DNAJC24: variants seen among roughly 807,000 people sequenced by gnomAD.
The protein encoded by DNAJC24 is dnaJ homolog subfamily C member 24.
Under a neutral mutation model 18.0 loss-of-function variants are expected in DNAJC24, and 17 were observed. That is an observed-to-expected ratio of 0.94 (90% CI 0.65 to 1.42). The LOEUF is 1.42. Ranked by LOEUF, DNAJC24 falls within the 40% of genes most tolerant of loss-of-function variation. The pLI, the probability that DNAJC24 is intolerant of heterozygous loss-of-function variation, is 0.00. For missense variants in DNAJC24, 158 were observed against 175.6 expected (o/e 0.90, Z 0.57); for synonymous variants, 55 against 57.7 (o/e 0.95, Z 0.21).
chr11:31,390,212 ATGG>A (rs1041652057), intron 2 of DNAJC24, among the ~76,000 whole-genome samples: 16 of 152,100 alleles, frequency 1.1e-4, no homozygotes, highest in Non-Finnish European at 1.6e-4. Context: ...CCTGGCCAAC[ATGG>A]CGGAACCCTG....
chr11:31,415,173 T>C (rs1036508035), intron 3 of DNAJC24: 4 of 422,738 alleles, frequency 9.5e-6, no homozygotes, highest in Admixed American at 4.3e-5. Context: ...TGTGAAGCCT[T>C]GAAAGCTACT....
chr11:31,416,975 G>T (rs909905090), intron 3 of DNAJC24: 1 of 152,130 alleles, frequency 6.6e-6, no homozygotes, highest in Non-Finnish European at 1.5e-5. Context: ...CATAGATGAA[G>T]TCACAATGAA....
chr11:31,379,272 G>C (rs1190808118), intron 2 of DNAJC24, among the ~76,000 whole-genome samples: 2 of 152,160 alleles, frequency 1.3e-5, no homozygotes, highest in African/African-American at 4.8e-5. Flanking sequence ...GTGGCACTGG[G>C]TTCTCATAGG....
chr11:31,389,018 A>C (rs1952460013), intron 2 of DNAJC24, among the ~76,000 whole-genome samples: 1 of 152,198 alleles, frequency 6.6e-6, no homozygotes, highest in African/African-American at 2.4e-5. Context: ...ATGGCTACAC[A>C]AAAAATAAAA....
chr11:31,392,318 G>A (rs1176743581), intron 2 of DNAJC24, among the ~76,000 whole-genome samples: 1 of 152,098 alleles, frequency 6.6e-6, no homozygotes, highest in Middle Eastern at 3.2e-3. Flanking sequence ...ACCCTGCTGT[G>A]ACTATTATGT....
At chr11:31,372,897 A>C (rs1004295451) in intron 2 of DNAJC24, among the ~76,000 whole-genome samples, 1 of 134,520 alleles carries the variant, frequency 7.4e-6, no homozygotes, top group Non-Finnish European at 1.7e-5. Flanking sequence ...TGCCGCCTGC[A>C]TGTCAAAATT....
chr11:31,403,257 A>C (rs2133487495), intron 2 of DNAJC24, among the ~76,000 whole-genome samples: 1 of 152,172 alleles, frequency 6.6e-6, no homozygotes, highest in South Asian at 2.1e-4. Context: ...CCAAAGCCAA[A>C]CAGTTACATC....
At chr11:31,423,143 A>C (rs1185993211) in intron 3 of DNAJC24, among the ~76,000 whole-genome samples, 1 of 152,204 alleles carries the variant, frequency 6.6e-6, no homozygotes, top group Non-Finnish European at 1.5e-5. Flanking sequence ...GTCTCAACAC[A>C]CTACCTTTAA....
chr11:31,387,890 A>G (rs1471380788), intron 2 of DNAJC24, among the ~76,000 whole-genome samples: 4 of 152,178 alleles, frequency 2.6e-5, no homozygotes, highest in Admixed American at 2.0e-4. Context: ...AAATCCTATC[A>G]AATAAATTTA....
intron 2 of DNAJC24, among the ~76,000 whole-genome samples, chr11:31,397,036 A>T (rs1591908674): frequency 6.6e-6 from 1 of 152,030 alleles, no homozygotes; most frequent in Admixed American, 6.6e-5. Context: ...GTCATATATC[A>T]CCTTTATTAT....
chr11:31,415,120 G>T, intron 3 of DNAJC24, 171 bp downstream of exon 3: 1 of 646,142 alleles, frequency 1.5e-6, no homozygotes, highest in South Asian at 2.9e-5. Flanking sequence ...TGACTATTGT[G>T]TATCCATTGA....
In DNAJC24 at chr11:31,432,577, T is replaced by C; in HGVS notation, c.*2176T>C. ...TCACTCAGAGGCCAAATCTGTAAAA[T>C]CAAAATGAGGTTGAAGACAATTAGT... On this transcript the variant is annotated 3_prime_UTR_variant, in exon 5 of 5. Coordinates refer to ENST00000465995, the MANE Select transcript of DNAJC24 (RefSeq NM_181706.5). 6.3e-7 allele frequency: 1 copy of C among 1,599,880 alleles called. No homozygotes were observed. The highest frequency in any genetic ancestry group is 1.7e-5 in the Admixed American group (1 of 59,976).
chr11:31,389,975 C>T (rs926965120), intron 2 of DNAJC24, among the ~76,000 whole-genome samples: 1 of 152,024 alleles, frequency 6.6e-6, no homozygotes, highest in African/African-American at 2.4e-5. Flanking sequence ...TAAAAGGAAA[C>T]ACAACATACC....
intron 2 of DNAJC24, among the ~76,000 whole-genome samples, chr11:31,371,163 A>G (rs954491205): frequency 1.3e-5 from 2 of 152,166 alleles, no homozygotes; most frequent in African/African-American, 4.8e-5. Context: ...GAAATAATCC[A>G]TGTAAAATAT....
intron 2 of DNAJC24, among the ~76,000 whole-genome samples, chr11:31,383,331 A>G (rs972315400): frequency 3.3e-5 from 5 of 152,080 alleles, no homozygotes; most frequent in Non-Finnish European, 4.4e-5. Context: ...GAAGCTGCCT[A>G]GGGGCCCCCA....
chr11:31,386,817 G>A (rs974487976), intron 2 of DNAJC24, among the ~76,000 whole-genome samples: 3 of 152,082 alleles, frequency 2.0e-5, no homozygotes, highest in African/African-American at 7.2e-5. Context: ...TCCAGACTGT[G>A]GCTCCTGAAC....
chr11:31,377,266 T>A (rs1228287417), intron 2 of DNAJC24, among the ~76,000 whole-genome samples: 1 of 152,132 alleles, frequency 6.6e-6, no homozygotes, highest in Non-Finnish European at 1.5e-5. Context: ...ATTGATTTAG[T>A]AAATACTGTT....
chr11:31,407,670 G>T (rs1263806722), intron 2 of DNAJC24: 2 of 114,660 alleles, frequency 1.7e-5, no homozygotes, highest in Non-Finnish European at 1.6e-5. Flanking sequence ...AGATGACAGA[G>T]AGAGATCCCA....
At chr11:31,410,745 G>A (rs572800159) in intron 2 of DNAJC24, among the ~76,000 whole-genome samples, 16 of 152,184 alleles carry the variant, frequency 1.1e-4, no homozygotes, top group African/African-American at 3.9e-4. Context: ...CAGTTGTTTC[G>A]AAACAATTTG....
Sources: allele counts gnomAD v4.1 joint callset (sites outside exome capture counted in the v4.1 genomes callset), GRCh38; gene constraint gnomAD v4.1.1; transcripts MANE v1.5; gene names NCBI Gene and HGNC (gene_info 2026-07-23, HGNC 2026-07-21).